Variants in WASHC2A observed in about 807,000 individuals in gnomAD.
WASHC2A encodes the protein WASH complex subunit 2A, also known as WASH complex subunit FAM21A.
Under a neutral mutation model 140.3 loss-of-function variants are expected in WASHC2A, and 82 were observed. The observed-to-expected ratio is 0.58, with a 90% confidence interval of 0.49 to 0.70. The LOEUF (loss-of-function observed/expected upper bound fraction) is 0.70, where lower values mean the gene tolerates loss of function less well. WASHC2A is among the 30% of genes least tolerant of loss of function. The pLI, the probability that WASHC2A is intolerant of heterozygous loss-of-function variation, is 0.00. For missense variants in WASHC2A, 985 were observed against 1,521.8 expected, an observed-to-expected ratio of 0.65 and a Z score of 5.87; for synonymous variants, 340 against 560.8, an observed-to-expected ratio of 0.61 and a Z score of 5.56.
chr10:50,090,520 ATATATATATATTTATATTT>A (rs1839822887), intron 8 of WASHC2A, among the ~76,000 whole-genome samples: 3 of 118,670 alleles, frequency 2.5e-5, no homozygotes, highest in Admixed American at 8.6e-5. Context: ...AAAAAAATAT[ATATATATATATTTATATTT>A]ATATATATAT....
At chr10:50,097,350 C>T (rs1371083287) in intron 15 of WASHC2A, among the ~76,000 whole-genome samples, 2 of 151,486 alleles carry the variant, frequency 1.3e-5, no homozygotes, top group African/African-American at 4.9e-5. Flanking sequence ...CTTGGTGGCC[C>T]TCTTAAATGA....
intron 3 of WASHC2A, among the ~76,000 whole-genome samples, chr10:50,077,686 T>A (rs1165442832): frequency 6.6e-6 from 1 of 152,234 alleles, no homozygotes; most frequent in Admixed American, 6.5e-5. Context: ...TTTCATTTTA[T>A]TTTTGAGATA....
chr10:50,126,505 T>A (rs1843443564), intron 26 of WASHC2A: 1 of 252,346 alleles, frequency 4.0e-6, no homozygotes, highest in African/African-American at 2.3e-5. Context: ...TGGAATAGAA[T>A]TAAAATAGAA....
rs782058357 is a variant in WASHC2A, at chr10:50,106,432, A to G, written c.1836A>G (p.Lys612=). 4 of 1,611,824 alleles carry G rather than the reference A, an allele frequency of 2.5e-6. No individual in the cohort carries two copies. Among genetic ancestry groups the G allele is most frequent in the Admixed American group, 1.7e-5 (1 of 59,980 alleles). Residue 612 remains lysine, a synonymous_variant, in exon 19 of 31, where the codon AAA becomes AAG. Transcript: ENST00000282633. Reference sequence around the variant, plus strand: ...AAGCCTCCGAGCTCTCCAAAAAGAAAGCATCTGCCCTGTTGTTCAGCAGTG... The same window carrying G: ...AAGCCTCCGAGCTCTCCAAAAAGAAGGCATCTGCCCTGTTGTTCAGCAGTG... ...KAKASELSKK[K]ASALLFSSDE... is the part of the protein sequence containing the mutation.
At position 50,091,524 on chromosome 10, in the gene WASHC2A, C is replaced by A. The variant is rs1244761337; in HGVS notation, c.931+6C>A. 3.7e-4 allele frequency: 578 copies of A among 1,549,370 alleles called. No individual in the cohort carries two copies. The highest frequency in any genetic ancestry group is 4.5e-4 in the Non-Finnish European group (513 of 1,146,554). ...AGTGGACGAGGAGCCGACAAGTGAG[C>A]CCCAGCCGCGTTGATGGGGAGTAGG... On this transcript the variant is annotated splice_donor_region_variant and intron_variant, in intron 10 of 30. Transcript: ENST00000282633.
chr10:50,097,738 C>A lies in WASHC2A; in HGVS notation c.1484C>A (p.Ala495Asp), dbSNP rs1166198133. 3 of 1,606,500 alleles carry A rather than the reference C, an allele frequency of 1.9e-6. No individual in the cohort carries two copies. In the East Asian group the frequency reaches 6.7e-5, roughly 36 times the overall value. Residue 495 changes from alanine to aspartate, a missense_variant, in exon 16 of 31, where the codon GCC becomes GAC. Coordinates refer to ENST00000282633, the MANE Select transcript of WASHC2A (RefSeq NM_001005751.3). The part of the protein sequence containing the change: ...DEEGDLFKEK[A>D]VASPEATVSQ... ...GAAGGAGATCTGTTCAAAGAAAAAGCCGTAGCATCGCCAGAAGCCACTGTG... is the reference window on the plus strand; with the variant it reads ...GAAGGAGATCTGTTCAAAGAAAAAGACGTAGCATCGCCAGAAGCCACTGTG...
At position 50,127,766 on chromosome 10, in the gene WASHC2A, C is replaced by T. The variant is rs2133089287; in HGVS notation, c.3058C>T (p.Gln1020Ter). 9.8e-6 allele frequency: 15 copies of T among 1,533,026 alleles called. No homozygotes were observed. The East Asian group carries it at 3.3e-4, about 34-fold the overall frequency. The allele number at this position is 1,533,026 out of a possible 1,614,324, so 95.0% of individuals were successfully genotyped here. The change falls in exon 28 of 31, where the codon CAG becomes TAG. Residue 1020 changes from glutamine to a stop codon, truncating the protein, a stop_gained. Transcript: ENST00000282633. LOFTEE classifies it high-confidence loss of function. ...EAGVSFDLPAQADTLHSANKS... is the reference protein window; with the variant it reads ...EAGVSFDLPA ...CGGTGTGAGTTTTGATCTTCCAGCTCAGGCAGACACCTTACACAGTGCAAA... is the reference window on the plus strand; with the variant it reads ...CGGTGTGAGTTTTGATCTTCCAGCTTAGGCAGACACCTTACACAGTGCAAA...
At chr10:50,109,835 T>C (rs1554889709) in intron 19 of WASHC2A, among the ~76,000 whole-genome samples, 3 of 152,166 alleles carry the variant, frequency 2.0e-5, no homozygotes, top group Non-Finnish European at 4.4e-5. Context: ...AGTGGCACGA[T>C]CTCCGTTCAC....
chr10:50,087,942 A>G (rs1839530710), intron 8 of WASHC2A, among the ~76,000 whole-genome samples: 1 of 151,092 alleles, frequency 6.6e-6, no homozygotes, highest in South Asian at 2.1e-4. Flanking sequence ...CAGCCTCCCG[A>G]GTAGCTGGCA....
At chr10:50,085,012 T>A (rs1554880650) in intron 6 of WASHC2A, among the ~76,000 whole-genome samples, 1 of 111,456 alleles carries the variant, frequency 9.0e-6, no homozygotes, top group Non-Finnish European at 1.8e-5. Context: ...AGGACATCTC[T>A]TGTATAATCA....
At position 50,129,538 on chromosome 10, in the gene WASHC2A, G is replaced by C; in HGVS notation, c.3207G>C (p.Trp1069Cys). 3 of 1,612,008 alleles carry C rather than the reference G, an allele frequency of 1.9e-6. No individual in the cohort carries two copies. Among genetic ancestry groups the C allele is most frequent in the Non-Finnish European group, 2.5e-6 (3 of 1,179,854 alleles). Residue 1069 changes from tryptophan to cysteine, a missense_variant, in exon 29 of 31, where the codon TGG (tryptophan) becomes TGC (cysteine). Coordinates refer to ENST00000282633, the MANE Select transcript of WASHC2A (RefSeq NM_001005751.3). The part of the protein sequence containing the change: ...MSVPRGPIAQ[W>C]ADGAISPNGH... ...TCCCCAGAGGACCCATTGCACAGTG[G>C]GCTGATGGCGCCATTTCCCCAAATG...
intron 7 of WASHC2A, 125 bp from the exon 8 acceptor site, chr10:50,087,150 T>G: frequency 3.9e-6 from 5 of 1,276,656 alleles, no homozygotes; most frequent in Non-Finnish European, 5.7e-6. Flanking sequence ...ACAAAGAGAC[T>G]GAGTGTCAGA....
Position 50,129,948 on chromosome 10 carries a change from A to T in WASHC2A, c.3617A>T (p.Asp1206Val). 2 of 1,612,014 alleles carry T rather than the reference A, an allele frequency of 1.2e-6. No homozygotes were observed. Among genetic ancestry groups the T allele is most frequent in the Non-Finnish European group, 1.7e-6 (2 of 1,179,858 alleles). ...TNPFPLLEDE[D>V]DLFTDQKVKK... ...CCCTTTCCTCTCCTGGAAGATGAGG[A>T]TGACCTCTTTACAGATCAGAAAGTC... The change falls in exon 29 of 31, where the codon GAT becomes GTT. Residue 1206 changes from aspartate to valine, a missense_variant. By Grantham distance (152) the Asp-to-Val change is radical. Coordinates refer to ENST00000282633, the MANE Select transcript of WASHC2A (RefSeq NM_001005751.3).
At chr10:50,128,606 G>A (rs1399206718) in intron 28 of WASHC2A, among the ~76,000 whole-genome samples, 3 of 152,158 alleles carry the variant, frequency 2.0e-5, no homozygotes, top group Non-Finnish European at 4.4e-5. Flanking sequence ...TTCCAAACCT[G>A]TTTCCTTGTG....
At chr10:50,131,469 A>G (rs1564816379) in intron 30 of WASHC2A, among the ~76,000 whole-genome samples, 1 of 152,190 alleles carries the variant, frequency 6.6e-6, no homozygotes, top group East Asian at 1.9e-4. Flanking sequence ...AGAGCTCCAG[A>G]TAGACAGGGA....
At chr10:50,093,418 C>T (rs1554883626) in intron 12 of WASHC2A, 32 bp downstream of exon 12, 1 of 1,214,966 alleles carries the variant, frequency 8.2e-7, no homozygotes, top group East Asian at 2.3e-5. Flanking sequence ...ACACTCCCTG[C>T]AGCTAGCTGT....
intron 21 of WASHC2A, among the ~76,000 whole-genome samples, chr10:50,116,115 CAA>C (rs1238566392): frequency 2.3e-5 from 1 of 44,326 alleles, no homozygotes; most frequent in Non-Finnish European, 4.3e-5. Flanking sequence ...GACTCCATCT[CAA>C]AAAAAAAAAA....
rs1338178799 is a variant in WASHC2A, at chr10:50,090,105, C to G, written c.733-671C>G. Among the ~76,000 whole-genome samples the G allele has an allele frequency of 2.2e-4, 34 of 151,400 alleles. 1 individual carries two copies. The highest frequency in any genetic ancestry group is 3.5e-3 in the Middle Eastern group (1 of 284). On this transcript the variant is annotated intron_variant, in intron 8 of 30. Transcript: ENST00000282633. ...AGCCTGGGCAAAAAGAGCGAAACTC[C>G]TTCTCAAAAATAAATAAATAAATAA...
At chr10:50,101,793 G>A (rs1308246984) in intron 17 of WASHC2A, among the ~76,000 whole-genome samples, 1 of 148,968 alleles carries the variant, frequency 6.7e-6, no homozygotes, top group Non-Finnish European at 1.5e-5. Flanking sequence ...AGGGTCTCTT[G>A]TGTCTGAAGG....
Sources: gnomAD v4.1 joint callset for allele counts (sites outside exome capture counted in the v4.1 genomes callset) on GRCh38, gnomAD v4.1.1 for gene constraint, MANE v1.5 for transcripts, NCBI Gene and HGNC (gene_info 2026-07-23, HGNC 2026-07-21) for gene names.